Variants in LGSN observed in about 807,000 individuals in gnomAD.
LGSN encodes the protein lengsin, lens protein with glutamine synthetase domain.
In LGSN, 21 loss-of-function variants were observed where a neutral mutation model predicts 19.5. The ratio of observed to expected loss-of-function variants is 1.07; its 90% confidence interval spans 0.76 to 1.55. LGSN has a LOEUF of 1.55. Among genes scored for constraint, LGSN ranks in the 40% most tolerant of loss-of-function variants. The pLI is 0.00. For missense variants in LGSN, 673 were observed against 608.5 expected (o/e 1.11, Z -1.12); for synonymous variants, 257 against 215.6 (o/e 1.19, Z -1.68).
At chr6:63,555,594 G>A in the LGSN span, among the ~76,000 whole-genome samples, 3 of 151,532 alleles carry the variant, frequency 2.0e-5, no homozygotes, top group African/African-American at 7.3e-5. Flanking sequence ...TTGTCTCACT[G>A]CATGACATAT....
At chr6:63,429,766 G>T in the LGSN span, among the ~76,000 whole-genome samples, 9 of 151,064 alleles carry the variant, frequency 6.0e-5, no homozygotes, top group Non-Finnish European at 1.3e-4. Context: ...TGAAGACAGG[G>T]ATTACAGGAG....
At chr6:63,505,285 TCTAAAG>T in the LGSN span, among the ~76,000 whole-genome samples, 1 of 151,754 alleles carries the variant, frequency 6.6e-6, no homozygotes, top group Non-Finnish European at 1.5e-5. Flanking sequence ...GTTAAGAAAT[TCTAAAG>T]TAAAGCCGGG....
At chr6:63,495,942 A>G in the LGSN span, among the ~76,000 whole-genome samples, 7 of 151,800 alleles carry the variant, frequency 4.6e-5, no homozygotes, top group Middle Eastern at 0.01. Context: ...TTTTTAAAAA[A>G]AAAAGACAGA....
chr6:63,336,819 C>T, the LGSN span, among the ~76,000 whole-genome samples: 2 of 151,724 alleles, frequency 1.3e-5, no homozygotes, highest in African/African-American at 4.8e-5. Context: ...AGTAGGGACT[C>T]GAATTCCCAA....
chr6:63,422,231 TTTTTG>T, the LGSN span, among the ~76,000 whole-genome samples: 3 of 152,088 alleles, frequency 2.0e-5, no homozygotes, highest in Non-Finnish European at 2.9e-5. Context: ...ACATGGCTAA[TTTTTG>T]TATTTTTAGT....
the LGSN span, among the ~76,000 whole-genome samples, chr6:63,474,929 T>C: frequency 2.0e-5 from 3 of 150,902 alleles, no homozygotes; most frequent in African/African-American, 7.3e-5. Context: ...AAATGAAAGG[T>C]TGACTTCCCC....
chr6:63,541,017 GGAAT>G, the LGSN span, among the ~76,000 whole-genome samples: 1 of 126,562 alleles, frequency 7.9e-6, no homozygotes, highest in Admixed American at 8.3e-5. Flanking sequence ...AAGGAAGGAG[GGAAT>G]GAAGAAAGGA....
At chr6:63,379,833 T>C in the LGSN span, among the ~76,000 whole-genome samples, 20 of 151,742 alleles carry the variant, frequency 1.3e-4, no homozygotes, top group Admixed American at 1.1e-3. Flanking sequence ...CAATCTGCCA[T>C]ATAATTTTTT....
At chr6:63,520,095 A>G in the LGSN span, among the ~76,000 whole-genome samples, 1 of 152,228 alleles carries the variant, frequency 6.6e-6, no homozygotes, top group South Asian at 2.1e-4. Context: ...TAATTATCAA[A>G]CAAAAACTAA....
At chr6:63,532,399 A>T in the LGSN span, among the ~76,000 whole-genome samples, 1 of 152,156 alleles carries the variant, frequency 6.6e-6, no homozygotes, top group Non-Finnish European at 1.5e-5. Context: ...CTATGCTCAC[A>T]TACTACCAGT....
chr6:63,446,689 T>C, the LGSN span, among the ~76,000 whole-genome samples: 409 of 152,358 alleles, frequency 2.7e-3, 2 homozygotes, highest in Non-Finnish European at 4.5e-3. Flanking sequence ...TTTCAGTTCA[T>C]GCTGGCTGTT....
the LGSN span, among the ~76,000 whole-genome samples, chr6:63,374,322 GA>G: frequency 6.6e-6 from 1 of 152,126 alleles, no homozygotes. Flanking sequence ...AGAGCGCCAT[GA>G]TATTTTTCTG....
chr6:63,395,342 C>CA, the LGSN span: 1 of 152,232 alleles, frequency 6.6e-6, no homozygotes, highest in Non-Finnish European at 1.5e-5. Context: ...AGAGGAACTG[C>CA]AAGGTTGTAA....
chr6:63,475,470 T>C, the LGSN span, among the ~76,000 whole-genome samples: 1 of 152,288 alleles, frequency 6.6e-6, no homozygotes, highest in East Asian at 1.9e-4. Flanking sequence ...GTGTGTACTT[T>C]GAGATGATTA....
chr6:63,512,278 T>C, the LGSN span, among the ~76,000 whole-genome samples: 1 of 152,162 alleles, frequency 6.6e-6, no homozygotes, highest in African/African-American at 2.4e-5. Context: ...AGGCAGGGTT[T>C]TGCCATGTTG....
At chr6:63,356,374 T>C in the LGSN span, among the ~76,000 whole-genome samples, 2 of 152,088 alleles carry the variant, frequency 1.3e-5, no homozygotes, top group South Asian at 4.1e-4. Context: ...ACCCCATCTC[T>C]ACTAAAAAAA....
chr6:63,323,611 A>T (rs1769147927), upstream of LGSN, among the ~76,000 whole-genome samples: 1 of 141,866 alleles, frequency 7.0e-6, no homozygotes, highest in South Asian at 2.3e-4. Context: ...CACACAGGTT[A>T]TGTTAATCAA....
At chr6:63,403,984 T>C in the LGSN span, among the ~76,000 whole-genome samples, 3 of 151,876 alleles carry the variant, frequency 2.0e-5, no homozygotes, top group Non-Finnish European at 2.9e-5. Context: ...CTCTCTCCAT[T>C]GCTGGCTTTT....
chr6:63,379,096 T>A, the LGSN span, among the ~76,000 whole-genome samples: 1 of 152,126 alleles, frequency 6.6e-6, no homozygotes, highest in Non-Finnish European at 1.5e-5. Flanking sequence ...ATGAGATAGT[T>A]AAAATCAACA....
Sources: gnomAD v4.1 joint callset for allele counts (sites outside exome capture counted in the v4.1 genomes callset) on GRCh38, gnomAD v4.1.1 for gene constraint, MANE v1.5 for transcripts, NCBI Gene and HGNC (gene_info 2026-07-23, HGNC 2026-07-21) for gene names.